CDCA3: variants seen among roughly 807,000 people sequenced by gnomAD.
CDCA3 encodes cell division cycle-associated protein 3.
In CDCA3, 16 loss-of-function variants were observed where a neutral mutation model predicts 29.1. The ratio of observed to expected loss-of-function variants is 0.55; its 90% CI spans 0.37 to 0.83. The LOEUF (loss-of-function observed/expected upper bound fraction) is 0.83. Ranked by LOEUF, CDCA3 falls within the 40% of genes least tolerant of loss-of-function variation. The pLI is 0.00. For synonymous variants in CDCA3, 88 were observed against 124.5 expected (o/e 0.71, Z 1.95); for missense variants, 291 against 327.2 (o/e 0.89, Z 0.85).
chr12:6,849,715 C>T lies in CDCA3; in HGVS notation c.394G>A (p.Val132Ile). 3.7e-6 allele frequency: 6 copies of T among 1,614,112 alleles called. No individual in the cohort carries two copies. The highest frequency in any genetic ancestry group is 4.2e-6 in the Non-Finnish European group (5 of 1,180,014). Residue 132 changes from valine (V) to isoleucine (I), a missense_variant, in exon 4 of 6, where the codon GTT (valine) becomes ATT (isoleucine). Physicochemically the swap from Val to Ile is conservative, Grantham distance 29. Transcript: ENST00000538862. The surrounding 1 kb of genome is among the most constrained non-coding windows in gnomAD (Gnocchi z 5.2). ...TTCCAAGGTGGCATCTGTTCCTCAACAGATAACTGGGTACCCAGAGGCAAG... is the reference window on the plus strand; with the variant it reads ...TTCCAAGGTGGCATCTGTTCCTCAATAGATAACTGGGTACCCAGAGGCAAG... Reference protein sequence around the residue: ...LDLPLGTQLSVEEQMPPWNQT... With the variant: ...LDLPLGTQLSIEEQMPPWNQT...
At chr12:6,845,627 C>A, downstream of CDCA3, 1 of 1,613,408 alleles carries the variant, frequency 6.2e-7, no homozygotes, top group Non-Finnish European at 8.5e-7. Flanking sequence ...GCTCGGATGA[C>A]GCTTCCTGCC....
downstream of CDCA3, chr12:6,847,007 A>G: frequency 1.5e-6 from 1 of 683,844 alleles, no homozygotes; most frequent in South Asian, 1.7e-5. Context: ...CATTCCCACT[A>G]AGCTTTCTCC....
downstream of CDCA3, chr12:6,846,621 GCA>G (rs782811517): frequency 6.0e-5 from 33 of 554,406 alleles, no homozygotes; most frequent in African/African-American, 4.3e-4. Flanking sequence ...AAGCACACAT[GCA>G]CACACACACG....
In CDCA3 at chr12:6,850,312, C is replaced by T; in HGVS notation, c.250+155G>A. ...GGATTACAGGCATGAGCCACCGCAC[C>T]CAGGCTGGGAACAAAATATTGAGAT... is the stretch of plus-strand genomic sequence containing the variant. On this transcript the variant is annotated intron_variant, in intron 3 of 5. Coordinates refer to ENST00000538862, the MANE Select transcript of CDCA3 (RefSeq NM_031299.7). The surrounding 1 kb of genome is among the most constrained non-coding windows in gnomAD (Gnocchi z 4.7). 9.4e-7 allele frequency: 1 copy of T among 1,061,572 alleles called. No individual in the cohort carries two copies. The highest frequency in any genetic ancestry group is 2.2e-5 in the Admixed American group (1 of 45,910). The allele number at this position is 1,061,572 out of a possible 1,614,324, so 65.8% of individuals were successfully genotyped here. A position where few individuals can be genotyped will look rare whatever the true frequency, so the allele number is the denominator to read the frequency against.
downstream of CDCA3, chr12:6,845,785 T>C: frequency 1.2e-6 from 2 of 1,613,744 alleles, no homozygotes; most frequent in East Asian, 2.2e-5. Flanking sequence ...TGGGACTCCA[T>C]GAAGTCTGAG....
In CDCA3 at chr12:6,850,387, C is replaced by A; in HGVS notation, c.250+80G>T. On this transcript the variant is annotated intron_variant, in intron 3 of 5. Coordinates refer to ENST00000538862, the MANE Select transcript of CDCA3 (RefSeq NM_031299.7). This position sits in a 1 kb window ranked among gnomAD's most constrained non-coding sequence, Gnocchi z 4.7. ...GAGGATAGAGGCCCCTTTAAGGAAC[C>A]CTGAGAGAATGGCTTCATGGACCCT... The A allele has an allele frequency of 6.4e-7, 1 of 1,574,284 alleles. No individual in the cohort carries two copies.
Position 6,849,976 on chromosome 12 carries a change from A to G in CDCA3, c.251-118T>C. ...AGGGTGAGCAAGTGGGAAGAGAGAA[A>G]TCAAGGAAATCAAGGTGAAAGGGAG... is the stretch of plus-strand genomic sequence containing the variant. On this transcript the variant is annotated intron_variant, in intron 3 of 5. Coordinates refer to ENST00000538862, the MANE Select transcript of CDCA3 (RefSeq NM_031299.7). The surrounding 1 kb of genome is among the most constrained non-coding windows in gnomAD (Gnocchi z 5.2). 1.1e-6 allele frequency: 1 copy of G among 917,394 alleles called. No individual in the cohort carries two copies. Among genetic ancestry groups the G allele is most frequent in the Non-Finnish European group, 1.6e-6 (1 of 641,290 alleles). The allele number at this position is 917,394 out of a possible 1,614,324, so 56.8% of individuals were successfully genotyped here.
At chr12:6,845,538 G>A (rs1555124426), downstream of CDCA3, 1 of 1,340,220 alleles carries the variant, frequency 7.5e-7, no homozygotes, top group Non-Finnish European at 1.1e-6. Flanking sequence ...GAGAGGCTGT[G>A]GGCTGCCCAG....
Position 6,849,108 on chromosome 12 carries a change from G to A in CDCA3, c.742C>T (p.Arg248Ter), listed in dbSNP as rs1565523413. ...TGGTCCTGGCCTTGCTCCCATGCTC[G>A]TCCTCCAGTTTTCAGAAGTCGTCCA... The part of the protein sequence containing the change: ...GTGRLLKTGG[R>*]AWEQGQDHDK... Residue 248 changes from arginine to a stop codon, truncating the protein, a stop_gained, in exon 6 of 6, where the codon CGA becomes TGA. Coordinates refer to ENST00000538862, the MANE Select transcript of CDCA3 (RefSeq NM_031299.7). LOFTEE classifies it high-confidence loss of function. The surrounding 1 kb of genome is among the most constrained non-coding windows in gnomAD (Gnocchi z 5.2). 24 of 1,522,488 alleles carry A rather than the reference G, an allele frequency of 1.6e-5. No individual in the cohort carries two copies. Among genetic ancestry groups the A allele is most frequent in the East Asian group, 2.3e-5 (1 of 44,430 alleles). The allele number at this position is 1,522,488 out of a possible 1,614,324, so 94.3% of individuals were successfully genotyped here. A position where few individuals can be genotyped will look rare whatever the true frequency, so the allele number is the denominator to read the frequency against.
In CDCA3 at chr12:6,850,687, G is replaced by A; in HGVS notation, c.121-91C>T. The stretch of plus-strand genomic sequence containing the variant: ...CAGGAAGGAATTGCCAAGGCCCTCA[G>A]ATATCCAGCCTACCCCACACAGATT... On this transcript the variant is annotated intron_variant, in intron 2 of 5. Coordinates refer to ENST00000538862, the MANE Select transcript of CDCA3 (RefSeq NM_031299.7). The surrounding 1 kb of genome is among the most constrained non-coding windows in gnomAD (Gnocchi z 4.7). 1 of 1,597,656 alleles carries A rather than the reference G, an allele frequency of 6.3e-7. No individual in the cohort carries two copies.
In CDCA3 at chr12:6,850,428, A is replaced by G. The variant is rs1555126104; in HGVS notation, c.250+39T>C. 1.2e-6 allele frequency: 2 copies of G among 1,612,980 alleles called. No individual in the cohort carries two copies. Among genetic ancestry groups the G allele is most frequent in the Non-Finnish European group, 1.7e-6 (2 of 1,179,196 alleles). Reference sequence around the variant, plus strand: ...CATGGACCCTACCCAAGAATAATAGATGACAGCTTCATCAGCATTCCCTGG... The same window carrying G: ...CATGGACCCTACCCAAGAATAATAGGTGACAGCTTCATCAGCATTCCCTGG... On this transcript the variant is annotated intron_variant, in intron 3 of 5. Transcript: ENST00000538862. The surrounding 1 kb of genome is among the most constrained non-coding windows in gnomAD (Gnocchi z 4.7).
rs1200403454 is a variant in CDCA3, at chr12:6,849,686, C to G, written c.423G>C (p.Gln141His). 6.2e-7 allele frequency: 1 copy of G among 1,613,968 alleles called. No homozygotes were observed. Among genetic ancestry groups the G allele is most frequent in the Admixed American group, 1.7e-5 (1 of 59,996 alleles). Residue 141 changes from glutamine (Q) to histidine (H), a missense_variant, in exon 4 of 6, where the codon CAG (glutamine) becomes CAC (histidine). Physicochemically the swap from Gln to His is conservative, Grantham distance 24 (BLOSUM62 0). Transcript: ENST00000538862. This position sits in a 1 kb window ranked among gnomAD's most constrained non-coding sequence, Gnocchi z 5.2. Reference sequence around the variant, plus strand: ...ACACCTGTTTGGAGGGGAACTCAGTCTGGTTCCAAGGTGGCATCTGTTCCT... The same window carrying G: ...ACACCTGTTTGGAGGGGAACTCAGTGTGGTTCCAAGGTGGCATCTGTTCCT... ...SVEEQMPPWN[Q>H]TEFPSKQVFS...
At position 6,850,004 on chromosome 12, in the gene CDCA3, A is replaced by ATT. The variant is rs370710900; in HGVS notation, c.251-148_251-147dup. On this transcript the variant is annotated intron_variant, in intron 3 of 5. Coordinates refer to ENST00000538862, the MANE Select transcript of CDCA3 (RefSeq NM_031299.7). The surrounding 1 kb of genome is among the most constrained non-coding windows in gnomAD (Gnocchi z 4.7). ...AAGGAAATCAAGGTGAAAGGGAGCAATTTTTTTTTTTTTTGAGATGGGGCT... is the reference window on the plus strand; with the variant it reads ...AAGGAAATCAAGGTGAAAGGGAGCAATTTTTTTTTTTTTTTTGAGATGGGGCT... The ATT allele has an allele frequency of 1.1e-3, 554 of 526,632 alleles. No homozygotes were observed. The highest frequency in any genetic ancestry group is 1.7e-3 in the South Asian group (46 of 26,588). 32.6% of individuals were successfully genotyped at this position (526,632 alleles called of 1,614,324 possible).
downstream of CDCA3, chr12:6,846,955 G>T: frequency 1.1e-6 from 1 of 947,652 alleles, no homozygotes; most frequent in South Asian, 1.4e-5. Context: ...CCCCCTGCCC[G>T]ACCCCATCTC....
In CDCA3 at chr12:6,849,923, A is replaced by T. The variant is rs1305044129; in HGVS notation, c.251-65T>A. On this transcript the variant is annotated intron_variant, in intron 3 of 5. Transcript: ENST00000538862. This position sits in a 1 kb window ranked among gnomAD's most constrained non-coding sequence, Gnocchi z 5.2. ...CACAACATTCAGCAAGGAGCAAAAC[A>T]TACAGAAACCCAGGACTCATGCCCA... 10 of 1,380,936 alleles carry T rather than the reference A, an allele frequency of 7.2e-6. No individual in the cohort carries two copies. In the African/African-American group the frequency reaches 1.3e-4, roughly 18 times the overall value. 85.5% of individuals were successfully genotyped at this position (1,380,936 alleles called of 1,614,324 possible). A position where few individuals can be genotyped will look rare whatever the true frequency, so the allele number is the denominator to read the frequency against.
In CDCA3 at chr12:6,849,433, G is replaced by A. The variant is rs1555125705; in HGVS notation, c.545-4C>T. 2 of 1,581,080 alleles carry A rather than the reference G, an allele frequency of 1.3e-6. No individual in the cohort carries two copies. Among genetic ancestry groups the A allele is most frequent in the South Asian group, 1.2e-5 (1 of 85,896 alleles). On this transcript the variant is annotated splice_polypyrimidine_tract_variant and splice_region_variant and intron_variant, in intron 4 of 5. Coordinates refer to ENST00000538862, the MANE Select transcript of CDCA3 (RefSeq NM_031299.7). This position sits in a 1 kb window ranked among gnomAD's most constrained non-coding sequence, Gnocchi z 5.2. ...TTCCATCTATTGCGCATAGAACCTG[G>A]GGTGGGTAAGGCGTTAAAGCAAGGA...
chr12:6,846,066 C>G (rs529555691), downstream of CDCA3: 2 of 476,644 alleles, frequency 4.2e-6, no homozygotes, highest in Non-Finnish European at 7.6e-6. Context: ...CATGACTGTC[C>G]AGTCAGTTCT....
downstream of CDCA3, chr12:6,845,555 T>C: frequency 6.6e-7 from 1 of 1,526,268 alleles, no homozygotes; most frequent in Non-Finnish European, 9.0e-7. Flanking sequence ...CCAGGTCTGA[T>C]CCCTGACCCA....
downstream of CDCA3, chr12:6,845,879 C>A: frequency 2.0e-6 from 2 of 990,762 alleles, no homozygotes; most frequent in East Asian, 2.4e-5. Flanking sequence ...CTGTACCCCC[C>A]ATCAGCTCCC....
Sources: gnomAD v4.1 joint callset for allele counts on GRCh38, gnomAD v4.1.1 for gene constraint, Gnocchi (gnomAD v3.1) non-coding constraint, MANE v1.5 for transcripts, NCBI Gene and HGNC (gene_info 2026-07-23, HGNC 2026-07-21) for gene names.